The following MYO5B variants were observed in gnomAD, a reference collection of about 807,000 sequenced individuals.
MYO5B encodes the protein myosin VB.
In MYO5B, 143 loss-of-function variants were observed where a neutral mutation model predicts 229.3. The ratio of observed to expected loss-of-function variants is 0.62; its 90% CI spans 0.54 to 0.72. MYO5B has a LOEUF of 0.72. Ranked by LOEUF, MYO5B falls within the 30% of genes least tolerant of loss-of-function variation. MYO5B has a pLI of 0.00. For synonymous variants in MYO5B, 918 were observed against 885.2 expected, an observed-to-expected ratio of 1.04 and a Z score of -0.66; for missense variants, 2,321 against 2,331.0, an observed-to-expected ratio of 1.00 and a Z score of 0.09.
At chr18:50,091,540 A>G (rs1324170375) in intron 1 of MYO5B, among the ~76,000 whole-genome samples, 1 of 152,182 alleles carries the variant, frequency 6.6e-6, no homozygotes, top group East Asian at 1.9e-4. Flanking sequence ...TACTCAGAGA[A>G]CCTAACGGAT....
chr18:49,974,045 C>T (rs1391410871), intron 10 of MYO5B, among the ~76,000 whole-genome samples: 1 of 152,194 alleles, frequency 6.6e-6, no homozygotes, highest in Non-Finnish European at 1.5e-5. Flanking sequence ...TCATTTCCCT[C>T]TCTTGGCCTC....
In MYO5B at chr18:49,831,188, C is replaced by G. The variant is rs190543907; in HGVS notation, c.5394+4156G>C. On this transcript the variant is annotated intron_variant, in intron 39 of 39. Transcript: ENST00000285039. ...CTTAAAGGGAGCTAAATCTGCAAAG[C>G]TCTTAGAAAACATAGGGGAAAGTAT... Among the ~76,000 whole-genome samples the G allele has an allele frequency of 2.1e-4, 32 of 152,174 alleles. No individual in the cohort carries two copies. The East Asian group carries it at 6.0e-3, about 28-fold the overall frequency.
chr18:50,190,289 A>G (rs1032524694), intron 1 of MYO5B, among the ~76,000 whole-genome samples: 33 of 152,206 alleles, frequency 2.2e-4, no homozygotes, highest in African/African-American at 7.5e-4. Flanking sequence ...GGTATTCACC[A>G]TGCTTGCACA....
chr18:49,986,500 C>A (rs894496042), intron 7 of MYO5B, among the ~76,000 whole-genome samples: 1 of 152,200 alleles, frequency 6.6e-6, no homozygotes, highest in Non-Finnish European at 1.5e-5. Context: ...GGAGGAGTAA[C>A]AAATTCTGAG....
At chr18:49,909,984 A>T (rs534616386) in intron 18 of MYO5B, among the ~76,000 whole-genome samples, 2 of 152,340 alleles carry the variant, frequency 1.3e-5, no homozygotes, top group South Asian at 4.1e-4. Flanking sequence ...GTCCTCTACG[A>T]AAAAGGACAA....
At chr18:50,191,223 CAT>C (rs1462553895) in intron 1 of MYO5B, among the ~76,000 whole-genome samples, 2 of 152,282 alleles carry the variant, frequency 1.3e-5, no homozygotes, top group Non-Finnish European at 1.5e-5. Context: ...CTGCTCAAAA[CAT>C]AAATCTAGAA....
At chr18:49,901,609 T>C (rs1260876173) in intron 21 of MYO5B, among the ~76,000 whole-genome samples, 1 of 152,222 alleles carries the variant, frequency 6.6e-6, no homozygotes, top group Non-Finnish European at 1.5e-5. Flanking sequence ...CCCCATTTTA[T>C]GGATAAGAAA....
At chr18:49,895,327 C>A (rs1300713714) in intron 21 of MYO5B, among the ~76,000 whole-genome samples, 153 bp from the exon 22 acceptor site, 1 of 152,208 alleles carries the variant, frequency 6.6e-6, no homozygotes, top group Non-Finnish European at 1.5e-5. Flanking sequence ...GCTTGCCTGG[C>A]ATCTCCCTAA....
At chr18:49,979,363 C>T (rs551233050) in intron 9 of MYO5B, among the ~76,000 whole-genome samples, 2 of 152,318 alleles carry the variant, frequency 1.3e-5, no homozygotes, top group Admixed American at 6.5e-5. Flanking sequence ...CCAGGGATGG[C>T]AGCAGGCCAG....
chr18:50,129,389 A>T (rs1332954288), intron 1 of MYO5B, among the ~76,000 whole-genome samples: 1 of 152,180 alleles, frequency 6.6e-6, no homozygotes, highest in Non-Finnish European at 1.5e-5. Flanking sequence ...TAACTAAAAC[A>T]CCATATATAT....
chr18:50,007,523 T>C (rs573756367), intron 4 of MYO5B, among the ~76,000 whole-genome samples: 2 of 152,298 alleles, frequency 1.3e-5, no homozygotes, highest in Non-Finnish European at 2.9e-5. Flanking sequence ...ATGGCATCCC[T>C]CTATCCTCTA....
intron 1 of MYO5B, among the ~76,000 whole-genome samples, chr18:50,102,965 A>C (rs2031684354): frequency 6.6e-6 from 1 of 151,902 alleles, no homozygotes; most frequent in African/African-American, 2.4e-5. Context: ...CCCAAAGGAG[A>C]AGAGTAGCAA....
chr18:50,052,462 A>G (rs1207134795), intron 2 of MYO5B, among the ~76,000 whole-genome samples: 2 of 148,884 alleles, frequency 1.3e-5, no homozygotes, highest in Non-Finnish European at 3.0e-5. Context: ...AGGACAAAAA[A>G]CCAAACACCG....
intron 1 of MYO5B, among the ~76,000 whole-genome samples, chr18:50,115,547 G>C (rs5824825): frequency 0.075 from 9,429 of 125,160 alleles, 419 homozygotes; most frequent in East Asian, 0.23. Flanking sequence ...CACACAGAGA[G>C]ACACACACAC....
chr18:50,092,939 T>C (rs538172670), intron 1 of MYO5B, among the ~76,000 whole-genome samples: 6 of 152,204 alleles, frequency 3.9e-5, no homozygotes, highest in Admixed American at 6.5e-5. Context: ...ACAGCATGCA[T>C]TCTCTTTTAA....
chr18:50,057,959 G>T (rs1440422561), intron 1 of MYO5B, among the ~76,000 whole-genome samples: 1 of 152,096 alleles, frequency 6.6e-6, no homozygotes, highest in African/African-American at 2.4e-5. Flanking sequence ...CTGCAGCTAT[G>T]GGACAAATCT....
intron 1 of MYO5B, among the ~76,000 whole-genome samples, chr18:50,152,845 T>C (rs1329023998): frequency 9.2e-6 from 1 of 108,706 alleles, no homozygotes; most frequent in African/African-American, 3.6e-5. Context: ...TTAAAAGAAA[T>C]AGTATGTATT....
chr18:50,001,067 G>A (rs1485644713), intron 5 of MYO5B, among the ~76,000 whole-genome samples, 188 bp downstream of exon 5: 1 of 152,172 alleles, frequency 6.6e-6, no homozygotes, highest in Admixed American at 6.5e-5. Context: ...CCCAGTACTG[G>A]GAACCTAAAG....
rs1173909277 is a variant in MYO5B at position 49,847,223 on chromosome 18, C to T, written c.4382G>A (p.Arg1461Gln). The change falls in exon 33 of 40, where the codon CGG (arginine) becomes CAG (glutamine). Residue 1461 changes from arginine (R) to glutamine (Q), a missense_variant. Arg to Gln is a conservative substitution (Grantham distance 43). This residue lies in a region of MYO5B where 2,113 missense variants were observed against 2,044.7 expected (regional missense o/e 1.03). Transcript: ENST00000285039. ...CATGCCCTGGAAATCCTTCTCTTTC[C>T]GCTGGACCGTGACCTGCCTGTTGAG... ...HELNRQVTVQ[R>Q]KEKDFQGMLE... 4.3e-6 allele frequency: 7 copies of T among 1,614,012 alleles called. No individual in the cohort carries two copies. The highest frequency in any genetic ancestry group is 1.3e-5 in the African/African-American group (1 of 74,926).
Sources: gnomAD v4.1 joint callset for allele counts (sites outside exome capture counted in the v4.1 genomes callset) on GRCh38, gnomAD v4.1.1 for gene constraint, gnomAD v4.1.1 regional missense constraint, MANE v1.5 for transcripts, NCBI Gene and HGNC (gene_info 2026-07-23, HGNC 2026-07-21) for gene names.